The following UBE2QL1 variants were observed in gnomAD, a reference collection of about 807,000 sequenced individuals.
UBE2QL1 encodes ubiquitin-conjugating enzyme E2Q-like protein 1.
A neutral mutation model predicts 12.6 loss-of-function variants in UBE2QL1; 5 were observed. The observed-to-expected ratio is 0.40, with a 90% CI of 0.21 to 0.83. UBE2QL1 has a LOEUF of 0.83. UBE2QL1 is among the 40% of genes least tolerant of loss of function. The probability of loss-of-function intolerance (pLI) is 0.37; values close to 1 mark genes in which losing one functional copy is unlikely to be tolerated. For missense variants in UBE2QL1, 99 were observed against 222.6 expected (o/e 0.44, Z 3.53); for synonymous variants, 96 against 94.5 (o/e 1.02, Z -0.10).
rs144943331 is a variant in UBE2QL1 at position 6,465,111 on chromosome 5, C to T, written c.354+15864C>T. Among the ~76,000 whole-genome samples the T allele has an allele frequency of 4.7e-3, 712 of 152,056 alleles. 5 individuals are homozygous for T. Among genetic ancestry groups the T allele is most frequent in the Admixed American group, 9.4e-3 (143 of 15,282 alleles). ...AAGCAATTTTCAAGCCTCAGCCTCCCGAGTATCTGGGACCACAGGTGTGCG... is the reference window on the plus strand; with the variant it reads ...AAGCAATTTTCAAGCCTCAGCCTCCTGAGTATCTGGGACCACAGGTGTGCG... On this transcript the variant is annotated intron_variant, in intron 1 of 1. Transcript: ENST00000399816.
chr5:6,457,408 G>A (rs556909000), intron 1 of UBE2QL1, among the ~76,000 whole-genome samples: 3 of 152,258 alleles, frequency 2.0e-5, no homozygotes, highest in Admixed American at 6.5e-5. Context: ...GTTCATTTCT[G>A]TGCTTATCCT....
chr5:6,455,780 C>A (rs2126325029), intron 1 of UBE2QL1, among the ~76,000 whole-genome samples: 1 of 152,112 alleles, frequency 6.6e-6, no homozygotes, highest in Non-Finnish European at 1.5e-5. Flanking sequence ...TAACCACAGC[C>A]CAGAGCTTCA....
intron 1 of UBE2QL1, among the ~76,000 whole-genome samples, chr5:6,470,255 A>C (rs1414258055): frequency 6.6e-6 from 1 of 152,182 alleles, no homozygotes; most frequent in African/African-American, 2.4e-5. Context: ...CAATTATATA[A>C]TGCTATGATT....
rs1055561973 is a variant in UBE2QL1, at chr5:6,476,567, C to G, written c.355-14651C>G. The stretch of plus-strand genomic sequence containing the variant: ...GGGGGCTCGGTTAAAGAGCCACATG[C>G]GGCACCCCTCAGGTGTACACTATTT... On this transcript the variant is annotated intron_variant, in intron 1 of 1. Transcript: ENST00000399816. The surrounding 1 kb of genome is among the most constrained non-coding windows in gnomAD (Gnocchi z 4.9). 6.6e-6 allele frequency among the ~76,000 whole-genome samples: 1 copy of G among 152,098 alleles called. No individual in the cohort carries two copies. Among genetic ancestry groups the G allele is most frequent in the African/African-American group, 2.4e-5 (1 of 41,418 alleles).
chr5:6,484,337 G>T (rs57601119), intron 1 of UBE2QL1, among the ~76,000 whole-genome samples: 1 of 152,066 alleles, frequency 6.6e-6, no homozygotes, highest in African/African-American at 2.4e-5. Flanking sequence ...CTTTCCCTGA[G>T]GATTCTGGGC....
chr5:6,466,221 GGGT>G (rs1739789444), intron 1 of UBE2QL1, among the ~76,000 whole-genome samples: 1 of 152,220 alleles, frequency 6.6e-6, no homozygotes, highest in Non-Finnish European at 1.5e-5. Flanking sequence ...ACTGGAACCA[GGGT>G]CACCTCCAGT....
intron 1 of UBE2QL1, among the ~76,000 whole-genome samples, chr5:6,486,079 C>A (rs950317055): frequency 1.3e-5 from 2 of 152,184 alleles, no homozygotes; most frequent in Non-Finnish European, 2.9e-5. Context: ...ATTGTGTTCA[C>A]CCTGTGCCTG....
Position 6,479,571 on chromosome 5 carries a change from TA to T in UBE2QL1, c.355-11642del, listed in dbSNP as rs1560934911. 1.3e-5 allele frequency among the ~76,000 whole-genome samples: 2 copies of T among 152,146 alleles called. No individual in the cohort carries two copies. Among genetic ancestry groups the T allele is most frequent in the Non-Finnish European group, 2.9e-5 (2 of 68,024 alleles). On this transcript the variant is annotated intron_variant, in intron 1 of 1. Transcript: ENST00000399816. The surrounding 1 kb of genome is among the most constrained non-coding windows in gnomAD (Gnocchi z 4.2). ...TATCCTCCGGTGAGTCTGTCCATCA[TA>T]AAAAGGGCAGAGGCTGTGCTCATTA...
chr5:6,488,997 T>C (rs1478887452), intron 1 of UBE2QL1, among the ~76,000 whole-genome samples: 1 of 152,232 alleles, frequency 6.6e-6, no homozygotes, highest in Non-Finnish European at 1.5e-5. Context: ...CTTGAAGTTA[T>C]AAAACTCAAA....
rs1579297507 is a variant in UBE2QL1 at position 6,476,088 on chromosome 5, G to C, written c.355-15130G>C. Reference sequence around the variant, plus strand: ...TTTCAGGACTTCAAAATCAGGGTGGGGTATGCCTGCTTAGTCATGGATGAG... The same window carrying C: ...TTTCAGGACTTCAAAATCAGGGTGGCGTATGCCTGCTTAGTCATGGATGAG... On this transcript the variant is annotated intron_variant, in intron 1 of 1. Transcript: ENST00000399816. The surrounding 1 kb of genome is among the most constrained non-coding windows in gnomAD (Gnocchi z 4.9). 6.6e-6 allele frequency among the ~76,000 whole-genome samples: 1 copy of C among 152,172 alleles called. No homozygotes were observed. Among genetic ancestry groups the C allele is most frequent in the Non-Finnish European group, 1.5e-5 (1 of 68,038 alleles).
At chr5:6,482,493 C>T (rs1350539973) in intron 1 of UBE2QL1, among the ~76,000 whole-genome samples, 1 of 152,018 alleles carries the variant, frequency 6.6e-6, no homozygotes, top group African/African-American at 2.4e-5. Context: ...TTGTCTTTTG[C>T]GTTCAGCTCC....
At chr5:6,462,855 T>A (rs1739703405) in intron 1 of UBE2QL1, among the ~76,000 whole-genome samples, 2 of 152,230 alleles carry the variant, frequency 1.3e-5, no homozygotes, top group African/African-American at 4.8e-5. Flanking sequence ...CATTTCCGGC[T>A]TCTGAACCAA....
At position 6,495,887 on chromosome 5, in the gene UBE2QL1, C is replaced by G. The variant is rs537146503; in HGVS notation, c.*4538C>G. Reference sequence around the variant, plus strand: ...CATAGTATTAAATATCATTTTTAAGCCCAGGGCCTGTCTGATCCACAGAAT... The same window carrying G: ...CATAGTATTAAATATCATTTTTAAGGCCAGGGCCTGTCTGATCCACAGAAT... On this transcript the variant is annotated 3_prime_UTR_variant, in exon 2 of 2. Coordinates refer to ENST00000399816, the MANE Select transcript of UBE2QL1 (RefSeq NM_001145161.3). 6.6e-6 allele frequency among the ~76,000 whole-genome samples: 1 copy of G among 152,268 alleles called. No individual in the cohort carries two copies. Among genetic ancestry groups the G allele is most frequent in the African/African-American group, 2.4e-5 (1 of 41,538 alleles).
intron 1 of UBE2QL1, among the ~76,000 whole-genome samples, chr5:6,449,818 C>T (rs1739374555): frequency 6.6e-6 from 1 of 151,692 alleles, no homozygotes; most frequent in Non-Finnish European, 1.5e-5. Context: ...AGAACTTTTT[C>T]TGGACCTCAG....
chr5:6,491,503 T>A lies in UBE2QL1; in HGVS notation c.*154T>A. ...GACGTTTAAGTTATTTATGAAAAGA[T>A]GTGTGTACAGAGAGGAAGAGGGAGC... is the stretch of plus-strand genomic sequence containing the variant. On this transcript the variant is annotated 3_prime_UTR_variant, in exon 2 of 2. Transcript: ENST00000399816. 9.4e-7 allele frequency: 1 copy of A among 1,062,544 alleles called. No individual in the cohort carries two copies. The highest frequency in any genetic ancestry group is 1.3e-6 in the Non-Finnish European group (1 of 774,354). The allele number at this position is 1,062,544 out of a possible 1,614,324, so 65.8% of individuals were successfully genotyped here. A position where few individuals can be genotyped will look rare whatever the true frequency, so the allele number is the denominator to read the frequency against.
In UBE2QL1 at chr5:6,449,040, C is replaced by T; in HGVS notation, c.147C>T (p.Thr49=). The change falls in exon 1 of 2, where the codon ACC becomes ACT. Residue 49 remains threonine (T), a synonymous_variant. Coordinates refer to ENST00000399816, the MANE Select transcript of UBE2QL1 (RefSeq NM_001145161.3). ...GGCAGGACATGAAGGAGACCAACACCGAGTTCATCCTGCTCAACCTCACCT... is the reference window on the plus strand; with the variant it reads ...GGCAGGACATGAAGGAGACCAACACTGAGTTCATCCTGCTCAACCTCACCT... ...VLWQDMKETN[T]EFILLNLTFP... 6.5e-7 allele frequency: 1 copy of T among 1,548,860 alleles called. No individual in the cohort carries two copies. Among genetic ancestry groups the T allele is most frequent in the Non-Finnish European group, 8.7e-7 (1 of 1,145,796 alleles).
At chr5:6,461,969 G>C (rs1221872041) in intron 1 of UBE2QL1, among the ~76,000 whole-genome samples, 1 of 152,182 alleles carries the variant, frequency 6.6e-6, no homozygotes, top group Admixed American at 6.5e-5. Context: ...TTGTTGGAAA[G>C]GTGAACACAG....
At chr5:6,491,140 G>C in intron 1 of UBE2QL1, 78 bp from the exon 2 acceptor site, 1 of 1,430,496 alleles carries the variant, frequency 7.0e-7, no homozygotes, top group Non-Finnish European at 9.3e-7. Flanking sequence ...CCACGACTCT[G>C]TGTGTTTTTA....
chr5:6,481,212 T>C lies in UBE2QL1; in HGVS notation c.355-10006T>C, dbSNP rs1734352233. Among the ~76,000 whole-genome samples the C allele has an allele frequency of 1.3e-5, 2 of 152,156 alleles. No individual in the cohort carries two copies. The highest frequency in any genetic ancestry group is 4.8e-5 in the African/African-American group (2 of 41,432). On this transcript the variant is annotated intron_variant, in intron 1 of 1. Coordinates refer to ENST00000399816, the MANE Select transcript of UBE2QL1 (RefSeq NM_001145161.3). This position sits in a 1 kb window ranked among gnomAD's most constrained non-coding sequence, Gnocchi z 4.5. ...TTTCTAGATTTCCTGCTTCTCCTCTTGACTGTCCCCAGCCAAACACACCCA... is the reference window on the plus strand; with the variant it reads ...TTTCTAGATTTCCTGCTTCTCCTCTCGACTGTCCCCAGCCAAACACACCCA...
Sources: gnomAD v4.1 joint callset for allele counts (sites outside exome capture counted in the v4.1 genomes callset) on GRCh38, gnomAD v4.1.1 for gene constraint, Gnocchi (gnomAD v3.1) non-coding constraint, MANE v1.5 for transcripts, NCBI Gene and HGNC (gene_info 2026-07-23, HGNC 2026-07-21) for gene names.